CUBN: variants seen among roughly 807,000 people sequenced by gnomAD.
CUBN encodes the protein 460 kDa receptor.
A neutral mutation model predicts 405.3 loss-of-function variants in CUBN; 282 were observed. The ratio of observed to expected loss-of-function variants is 0.70; its 90% CI spans 0.63 to 0.77. CUBN has a LOEUF of 0.77. Among genes scored for constraint, CUBN ranks in the 30% least tolerant of loss-of-function variants. The pLI is 0.00. For synonymous variants in CUBN, 1,684 were observed against 1,617.0 expected (o/e 1.04, Z -0.99); for missense variants, 4,514 against 4,475.2 (o/e 1.01, Z -0.25).
chr10:16,921,773 T>C (rs1842040957), intron 43 of CUBN, among the ~76,000 whole-genome samples: 1 of 152,218 alleles, frequency 6.6e-6, no homozygotes, highest in Non-Finnish European at 1.5e-5. Context: ...ATTGCTGTCA[T>C]ACATCCTCAT....
Position 16,835,014 on chromosome 10 carries a change from C to G in CUBN, c.10362G>C (p.Glu3454Asp), listed in dbSNP as rs1480699363. 1 of 1,613,164 alleles carries G rather than the reference C, an allele frequency of 6.2e-7. No individual in the cohort carries two copies. Among genetic ancestry groups the G allele is most frequent in the Admixed American group, 1.7e-5 (1 of 59,998 alleles). The change falls in exon 64 of 67, where the codon GAG (glutamate) becomes GAC (aspartate). Residue 3454 changes from glutamate to aspartate, a missense_variant and splice_region_variant. Glu to Asp is a conservative substitution (Grantham distance 45). Coordinates refer to ENST00000377833, the MANE Select transcript of CUBN (RefSeq NM_001081.4). Reference protein sequence around the residue: ...NSVECRNDFLEVRNGSNSNSP... With the variant: ...NSVECRNDFLDVRNGSNSNSP... ...CAAACGATATTCAAATGCATATCAC[C>G]TCCAAGAAATCGTTTCTGCATTCAA... is the stretch of plus-strand genomic sequence containing the variant.
At chr10:16,987,336 A>G (rs182803691) in intron 29 of CUBN, among the ~76,000 whole-genome samples, 1 of 152,328 alleles carries the variant, frequency 6.6e-6, no homozygotes, top group Non-Finnish European at 1.5e-5. Context: ...CTTTGGGGGA[A>G]AAAGAAGTGG....
intron 27 of CUBN, among the ~76,000 whole-genome samples, chr10:17,023,222 G>C (rs1304588132): frequency 1.3e-5 from 2 of 151,524 alleles, no homozygotes; most frequent in Non-Finnish European, 2.9e-5. Context: ...CTAGGCAGTA[G>C]GTTTGGGGGG....
chr10:16,985,840 C>T (rs1322128555), intron 29 of CUBN, among the ~76,000 whole-genome samples: 1 of 152,254 alleles, frequency 6.6e-6, no homozygotes, highest in Non-Finnish European at 1.5e-5. Flanking sequence ...TAGGCTCCTC[C>T]AAATCTCCCA....
chr10:17,012,521 G>T (rs1834213559), intron 28 of CUBN, among the ~76,000 whole-genome samples: 1 of 152,220 alleles, frequency 6.6e-6, no homozygotes, highest in African/African-American at 2.4e-5. Context: ...TTACTGGACA[G>T]ATTTTGTTAT....
chr10:16,837,315 G>A (rs934276486), intron 62 of CUBN, among the ~76,000 whole-genome samples: 10 of 151,910 alleles, frequency 6.6e-5, no homozygotes, highest in Non-Finnish European at 1.2e-4. Flanking sequence ...GGCCAGCCTC[G>A]GGGGAAGGGA....
intron 48 of CUBN, 59 bp from the exon 49 acceptor site, chr10:16,907,738 G>C (rs1024038952): frequency 8.2e-6 from 13 of 1,576,450 alleles, no homozygotes; most frequent in Non-Finnish European, 1.1e-5. Flanking sequence ...ATATTTCCTA[G>C]GAGGTGATAT....
intron 31 of CUBN, among the ~76,000 whole-genome samples, chr10:16,971,005 CA>C (rs1304929791): frequency 1.3e-5 from 2 of 152,132 alleles, no homozygotes; most frequent in Non-Finnish European, 2.9e-5. Context: ...CTTCTTCTAA[CA>C]ACCCAAATTG....
chr10:16,972,401 T>C (rs1168286013), intron 31 of CUBN, among the ~76,000 whole-genome samples: 6 of 151,922 alleles, frequency 3.9e-5, no homozygotes, highest in Non-Finnish European at 7.4e-5. Flanking sequence ...AAACTCACTA[T>C]CATCTACTCC....
chr10:16,865,435 A>G (rs1054095856), intron 59 of CUBN, among the ~76,000 whole-genome samples: 9 of 152,234 alleles, frequency 5.9e-5, no homozygotes, highest in African/African-American at 2.2e-4. Context: ...AGGAAGGCAG[A>G]CAGTGGCCCT....
intron 31 of CUBN, among the ~76,000 whole-genome samples, chr10:16,970,996 T>C (rs975369778): frequency 1.3e-5 from 2 of 152,176 alleles, no homozygotes; most frequent in Non-Finnish European, 2.9e-5. Flanking sequence ...TTACTATTTC[T>C]TCTTCTAACA....
chr10:17,026,298 G>T (rs1365151361), intron 27 of CUBN, among the ~76,000 whole-genome samples: 1 of 152,130 alleles, frequency 6.6e-6, no homozygotes, highest in Non-Finnish European at 1.5e-5. Context: ...AATTTGAAGG[G>T]CTTTGAAATG....
rs148331476 is a variant in CUBN, at chr10:16,831,383, A to G, written c.10397T>C (p.Leu3466Pro). 1.1e-5 allele frequency: 18 copies of G among 1,614,026 alleles called. No homozygotes were observed. The highest frequency in any genetic ancestry group is 1.5e-5 in the Non-Finnish European group (18 of 1,179,966). The change falls in exon 65 of 67, where the codon CTG becomes CCG. Residue 3466 changes from leucine to proline, a missense_variant. Physicochemically the swap from Leu to Pro is moderately conservative, Grantham distance 98. This residue lies in a region of CUBN where 1,186 missense variants were observed against 1,186.9 expected (regional missense o/e 1.00). Coordinates refer to ENST00000377833, the MANE Select transcript of CUBN (RefSeq NM_001081.4). Reference sequence around the variant, plus strand: ...CAGCAGAGTTCCACAGTACTTGCCCAGTAATGGTGAATTGCTGTTACTTCC... The same window carrying G: ...CAGCAGAGTTCCACAGTACTTGCCCGGTAATGGTGAATTGCTGTTACTTCC... ...RNGSNSNSPL[L>P]GKYCGTLLPN... is the part of the protein sequence containing the mutation.
chr10:17,101,142 T>C (rs1346725694), intron 13 of CUBN, among the ~76,000 whole-genome samples: 2 of 152,170 alleles, frequency 1.3e-5, no homozygotes, highest in Admixed American at 6.5e-5. Flanking sequence ...CAGTTACCTA[T>C]TACTACATGA....
At chr10:16,862,160 T>TCTCTCA (rs144560387) in intron 59 of CUBN, among the ~76,000 whole-genome samples, 35 of 131,164 alleles carry the variant, frequency 2.7e-4, no homozygotes, top group Non-Finnish European at 4.7e-4. Flanking sequence ...TCTCTCTCTC[T>TCTCTCA]CACACACACA....
chr10:16,832,810 T>C (rs1421577406), intron 64 of CUBN, among the ~76,000 whole-genome samples: 1 of 152,136 alleles, frequency 6.6e-6, no homozygotes, highest in African/African-American at 2.4e-5. Flanking sequence ...CGCTTGGTAG[T>C]AACACAGTCA....
intron 27 of CUBN, among the ~76,000 whole-genome samples, chr10:17,030,473 G>A (rs1461000717): frequency 6.6e-6 from 1 of 152,110 alleles, no homozygotes; most frequent in Non-Finnish European, 1.5e-5. Context: ...AAAAATCCTA[G>A]CAGCTCTGTA....
chr10:16,950,085 G>T lies in CUBN; in HGVS notation c.4996C>A (p.His1666Asn). ...PLNHITLSFT[H>N]FELERSTTCA... ...GTTGTGCTTCTTTCAAGTTCAAAGT[G>T]GGTAAAAGAGAGGGTGATATGATTT... The change falls in exon 34 of 67, where the codon CAC becomes AAC. Residue 1666 changes from histidine to asparagine, a missense_variant. His to Asn is a moderately conservative substitution (Grantham distance 68). Transcript: ENST00000377833. 6.2e-7 allele frequency: 1 copy of T among 1,613,816 alleles called. No individual in the cohort carries two copies.
In CUBN at chr10:16,835,051, A is replaced by G; in HGVS notation, c.10325T>C (p.Ile3442Thr). 1.2e-6 allele frequency: 2 copies of G among 1,614,218 alleles called. No homozygotes were observed. The highest frequency in any genetic ancestry group is 1.7e-6 in the Non-Finnish European group (2 of 1,180,032). The change falls in exon 64 of 67, where the codon ATC becomes ACC. Residue 3442 changes from isoleucine to threonine, a missense_variant. By Grantham distance (89) the Ile-to-Thr change is moderately conservative. Around this residue, in one of 5 missense-constraint regions of CUBN, gnomAD observed 1,186 missense variants for 1,186.9 expected, o/e 1.00. Coordinates refer to ENST00000377833, the MANE Select transcript of CUBN (RefSeq NM_001081.4). ...TISLFFHSLG[I>T]ENSVECRNDF... Reference sequence around the variant, plus strand: ...GTTTCTGCATTCAACTGAGTTCTCGATGCCAAGTGAATGAAAAAAGAGGGA... The same window carrying G: ...GTTTCTGCATTCAACTGAGTTCTCGGTGCCAAGTGAATGAAAAAAGAGGGA...
Sources: allele counts gnomAD v4.1 joint callset (sites outside exome capture counted in the v4.1 genomes callset), GRCh38; gene constraint gnomAD v4.1.1; regional missense constraint gnomAD v4.1.1; transcripts MANE v1.5; gene names NCBI Gene and HGNC (gene_info 2026-07-23, HGNC 2026-07-21).